The following ASIC2 variants were observed in gnomAD, a reference collection of about 807,000 sequenced individuals.
ASIC2 encodes the protein acid sensing ion channel subunit 2.
ASIC2 carries 25 observed loss-of-function variants against 57.3 expected under a neutral mutation model. The observed-to-expected ratio is 0.44, with a 90% confidence interval of 0.32 to 0.61. The LOEUF is 0.61. Ranked by LOEUF, ASIC2 falls within the 20% of genes least tolerant of loss-of-function variation. ASIC2 has a pLI of 0.06. For synonymous variants in ASIC2, 319 were observed against 307.5 expected (o/e 1.04, Z -0.39); for missense variants, 641 against 738.1 (o/e 0.87, Z 1.52).
chr17:33,831,301 C>T (rs1359225574), intron 1 of ASIC2, among the ~76,000 whole-genome samples: 1 of 151,744 alleles, frequency 6.6e-6, no homozygotes, highest in Non-Finnish European at 1.5e-5. Flanking sequence ...TTTTATTTCC[C>T]CAGACATGAG....
In ASIC2 at chr17:33,267,097, G is replaced by C. The variant is rs376664925; in HGVS notation, c.708+24311C>G. Among the ~76,000 whole-genome samples the C allele has an allele frequency of 2.0e-5, 3 of 152,282 alleles. No individual in the cohort carries two copies. The East Asian group carries it at 5.8e-4, about 29-fold the overall frequency. ...TTAACATGGGTAGAAGTTTGGTTAA[G>C]GATGGGGCAGGAACAAGAAAAAGAA... On this transcript the variant is annotated intron_variant, in intron 1 of 9. Coordinates refer to ENST00000225823, the MANE Select transcript of ASIC2 (RefSeq NM_183377.2).
At chr17:33,854,122 C>A (rs973199243) in intron 1 of ASIC2, among the ~76,000 whole-genome samples, 4 of 152,170 alleles carry the variant, frequency 2.6e-5, no homozygotes, top group African/African-American at 9.7e-5. Context: ...CAGTAAACGT[C>A]TATTGTTTGG....
intron 1 of ASIC2, among the ~76,000 whole-genome samples, chr17:33,441,027 G>C (rs771097872): frequency 6.6e-6 from 1 of 151,902 alleles, no homozygotes; most frequent in Non-Finnish European, 1.5e-5. Flanking sequence ...GGAATGGAGT[G>C]GTGTGATCAC....
intron 1 of ASIC2, among the ~76,000 whole-genome samples, chr17:34,122,508 G>A (rs576975053): frequency 7.2e-5 from 11 of 152,214 alleles, no homozygotes; most frequent in Non-Finnish European, 1.6e-4. Flanking sequence ...TAGAGAGAGC[G>A]AGTCTTTCTC....
intron 1 of ASIC2, among the ~76,000 whole-genome samples, chr17:33,987,768 G>T (rs927841897): frequency 1.1e-4 from 17 of 152,156 alleles, no homozygotes; most frequent in Non-Finnish European, 1.5e-4. Flanking sequence ...CTTATCATTT[G>T]TGTTCACCCA....
intron 5 of ASIC2, among the ~76,000 whole-genome samples, chr17:33,025,314 G>A (rs1159927348): frequency 6.6e-6 from 1 of 152,174 alleles, no homozygotes; most frequent in East Asian, 1.9e-4. Context: ...TAGTTTTCCA[G>A]CTGGGGAACC....
chr17:33,287,306 C>T (rs905687910), intron 1 of ASIC2, among the ~76,000 whole-genome samples: 2 of 152,234 alleles, frequency 1.3e-5, no homozygotes, highest in African/African-American at 4.8e-5. Flanking sequence ...GCACTCTCCC[C>T]TGAACCATGC....
chr17:33,543,717 T>G (rs1915493223), intron 1 of ASIC2, among the ~76,000 whole-genome samples: 1 of 152,156 alleles, frequency 6.6e-6, no homozygotes, highest in African/African-American at 2.4e-5. Flanking sequence ...AAAGTCTTAT[T>G]ACACAAGCCT....
At chr17:33,255,073 T>C in intron 1 of ASIC2, among the ~76,000 whole-genome samples, 1 of 145,090 alleles carries the variant, frequency 6.9e-6, no homozygotes, top group African/African-American at 2.6e-5. Flanking sequence ...CCTCGCTCTG[T>C]TTGTTGCCCA....
At chr17:33,185,926 C>T in intron 1 of ASIC2, among the ~76,000 whole-genome samples, 1 of 152,152 alleles carries the variant, frequency 6.6e-6, no homozygotes, top group Non-Finnish European at 1.5e-5. Flanking sequence ...AAGGGCTGTC[C>T]TGGCCCCATC....
At chr17:33,775,756 T>C (rs1218131182) in intron 1 of ASIC2, among the ~76,000 whole-genome samples, 1 of 152,138 alleles carries the variant, frequency 6.6e-6, no homozygotes, top group African/African-American at 2.4e-5. Flanking sequence ...TGACAGTGAG[T>C]CTCATGTAAG....
chr17:33,282,056 T>C (rs1319506122), intron 1 of ASIC2, among the ~76,000 whole-genome samples: 1 of 152,252 alleles, frequency 6.6e-6, no homozygotes, highest in East Asian at 1.9e-4. Flanking sequence ...TTTCATTTTT[T>C]TGAATTTTGG....
intron 1 of ASIC2, among the ~76,000 whole-genome samples, chr17:33,997,301 C>T (rs904318071): frequency 1.9e-4 from 26 of 136,738 alleles, no homozygotes; most frequent in African/African-American, 1.7e-4. Context: ...CCACCATGCA[C>T]GGTTAATTTT....
intron 1 of ASIC2, among the ~76,000 whole-genome samples, chr17:33,457,977 A>G (rs1912508225): frequency 6.6e-6 from 1 of 152,206 alleles, no homozygotes; most frequent in Non-Finnish European, 1.5e-5. Flanking sequence ...TGGAGGAAAT[A>G]ATCACATAAA....
intron 3 of ASIC2, among the ~76,000 whole-genome samples, chr17:33,082,015 T>C (rs1233883393): frequency 1.3e-5 from 2 of 152,200 alleles, no homozygotes; most frequent in African/African-American, 4.8e-5. Context: ...CAGGGCACTT[T>C]AGATACAGCT....
At chr17:33,778,279 A>G (rs111588283) in intron 1 of ASIC2, among the ~76,000 whole-genome samples, 9 of 152,274 alleles carry the variant, frequency 5.9e-5, no homozygotes, top group African/African-American at 2.2e-4. Context: ...AAAAATATGG[A>G]TGCTGAACAC....
intron 1 of ASIC2, chr17:34,078,784 C>T (rs1185878111): frequency 6.6e-6 from 1 of 152,314 alleles, no homozygotes; most frequent in Non-Finnish European, 1.5e-5. Context: ...GGCACCCCTC[C>T]TCCACTCAGC....
intron 1 of ASIC2, among the ~76,000 whole-genome samples, chr17:34,110,644 C>T (rs1174345325): frequency 1.3e-5 from 2 of 152,156 alleles, no homozygotes; most frequent in Admixed American, 1.3e-4. Flanking sequence ...ATGACATCCT[C>T]CTTAAAAAAA....
chr17:33,080,051 G>C (rs896823245), intron 3 of ASIC2, among the ~76,000 whole-genome samples: 1 of 152,110 alleles, frequency 6.6e-6, no homozygotes, highest in Non-Finnish European at 1.5e-5. Context: ...GTTGGGTCTG[G>C]AGCTCAGGAA....
Sources: allele counts gnomAD v4.1 joint callset (sites outside exome capture counted in the v4.1 genomes callset), GRCh38; gene constraint gnomAD v4.1.1; transcripts MANE v1.5; gene names NCBI Gene and HGNC (gene_info 2026-07-23, HGNC 2026-07-21).